Variants in RBFOX1 observed in about 807,000 individuals in gnomAD.
The protein encoded by RBFOX1 is RNA binding fox-1 homolog 1.
In RBFOX1, 8 loss-of-function variants were observed where a neutral mutation model predicts 57.7. That is an observed-to-expected ratio of 0.14 (90% confidence interval 0.08 to 0.25). The LOEUF (loss-of-function observed/expected upper bound fraction) is 0.25, where lower values mean the gene tolerates loss of function less well. RBFOX1 is among the 10% of genes least tolerant of loss of function. RBFOX1 has a pLI of 1.00. For missense variants in RBFOX1, 611 were observed against 548.5 expected, an observed-to-expected ratio of 1.11 and a Z score of -1.14; for synonymous variants, 326 against 222.4, an observed-to-expected ratio of 1.47 and a Z score of -4.15.
chr16:5,255,525 T>G (rs1353533133), intron 1 of RBFOX1, among the ~76,000 whole-genome samples: 1 of 151,092 alleles, frequency 6.6e-6, no homozygotes, highest in African/African-American at 2.4e-5. Context: ...CCCATGCATC[T>G]ATCCACCCAT....
intron 4 of RBFOX1, among the ~76,000 whole-genome samples, chr16:5,991,567 A>T (rs546459188): frequency 6.6e-6 from 1 of 152,210 alleles, no homozygotes; most frequent in African/African-American, 2.4e-5. Context: ...TCTGTACTCA[A>T]TGATCGCAGT....
At position 6,450,763 on chromosome 16, in the gene RBFOX1, ATG is replaced by A. The variant is rs1176763687; in HGVS notation, c.-64+133710_-64+133711del. Reference sequence around the variant, plus strand: ...ATTTTATATATATATACATATATATATGTGTATATATATATATATATATATAC... The same window carrying A: ...ATTTTATATATATATACATATATATATGTATATATATATATATATATATAC... On this transcript the variant is annotated intron_variant, in intron 2 of 15. Transcript: ENST00000550418. Among the ~76,000 whole-genome samples the A allele has an allele frequency of 1.7e-3, 59 of 35,372 alleles. 1 individual carries two copies. The highest frequency in any genetic ancestry group is 6.5e-3 in the African/African-American group (49 of 7,592). 23.2% of individuals were successfully genotyped at this position (35,372 alleles called of 152,430 possible). A position where few individuals can be genotyped will look rare whatever the true frequency, so the allele number is the denominator to read the frequency against.
chr16:7,450,811 G>A (rs953284560), intron 4 of RBFOX1, among the ~76,000 whole-genome samples: 1 of 152,166 alleles, frequency 6.6e-6, no homozygotes, highest in Non-Finnish European at 1.5e-5. Flanking sequence ...AATGACAGCA[G>A]GAGGATTCAG....
chr16:6,586,016 A>G (rs1343132515), intron 2 of RBFOX1, among the ~76,000 whole-genome samples: 1 of 152,228 alleles, frequency 6.6e-6, no homozygotes, highest in Non-Finnish European at 1.5e-5. Flanking sequence ...GTGAAATAAT[A>G]TATACTGCAA....
At chr16:5,349,857 G>A (rs1034928683) in intron 1 of RBFOX1, among the ~76,000 whole-genome samples, 1 of 152,228 alleles carries the variant, frequency 6.6e-6, no homozygotes, top group Non-Finnish European at 1.5e-5. Context: ...AAGCAGCCCT[G>A]CTGAGCAGTC....
At chr16:6,675,191 A>T (rs983016588) in intron 3 of RBFOX1, among the ~76,000 whole-genome samples, 1 of 152,170 alleles carries the variant, frequency 6.6e-6, no homozygotes. Context: ...GGCATAAGCC[A>T]CTGCGCCCGG....
chr16:5,480,750 C>T (rs1448635176), intron 2 of RBFOX1, among the ~76,000 whole-genome samples: 1 of 152,188 alleles, frequency 6.6e-6, no homozygotes, highest in East Asian at 1.9e-4. Flanking sequence ...CTTGGAGCCC[C>T]TTCCAGATCA....
At chr16:7,551,379 C>G (rs540986092) in intron 5 of RBFOX1, among the ~76,000 whole-genome samples, 1 of 152,256 alleles carries the variant, frequency 6.6e-6, no homozygotes, top group East Asian at 1.9e-4. Context: ...GGGGCCCCAG[C>G]TCACTGCCTT....
chr16:7,513,747 C>T (rs1023626924), intron 4 of RBFOX1, among the ~76,000 whole-genome samples: 2 of 152,128 alleles, frequency 1.3e-5, no homozygotes, highest in Admixed American at 6.6e-5. Context: ...TTCTGAGGAC[C>T]AGTGAGGAGA....
chr16:6,607,417 C>T (rs201354278), intron 2 of RBFOX1, among the ~76,000 whole-genome samples: 1 of 143,936 alleles, frequency 6.9e-6, no homozygotes, highest in Admixed American at 7.0e-5. Context: ...CAGTCTCTCT[C>T]CTCTCTCTCT....
intron 1 of RBFOX1, among the ~76,000 whole-genome samples, chr16:5,362,179 C>G (rs1394655519): frequency 6.6e-6 from 1 of 152,094 alleles, no homozygotes; most frequent in Non-Finnish European, 1.5e-5. Context: ...AGAACTTACT[C>G]AACTTGTGTC....
At chr16:6,173,545 C>G (rs1367566870) in intron 1 of RBFOX1, among the ~76,000 whole-genome samples, 1 of 150,996 alleles carries the variant, frequency 6.6e-6, no homozygotes, top group Non-Finnish European at 1.5e-5. Context: ...TCGATTGTTC[C>G]TGCTGCAGGG....
chr16:5,602,973 A>G (rs2047415888), downstream of RBFOX1, among the ~76,000 whole-genome samples: 1 of 152,166 alleles, frequency 6.6e-6, no homozygotes, highest in Non-Finnish European at 1.5e-5. Context: ...CCTCTAGAGG[A>G]GTGAAAATGG....
chr16:5,832,591 A>G (rs2056316781), intron 3 of RBFOX1, among the ~76,000 whole-genome samples: 1 of 152,244 alleles, frequency 6.6e-6, no homozygotes. Flanking sequence ...GCTTCTGATT[A>G]TACTGCAATT....
chr16:7,205,837 A>G (rs1181385202), intron 4 of RBFOX1, among the ~76,000 whole-genome samples: 3 of 152,252 alleles, frequency 2.0e-5, no homozygotes, highest in Non-Finnish European at 4.4e-5. Flanking sequence ...AACTGTGTGT[A>G]GTAATTACTG....
intron 1 of RBFOX1, among the ~76,000 whole-genome samples, chr16:5,304,205 C>G (rs2063875364): frequency 6.6e-6 from 1 of 152,152 alleles, no homozygotes; most frequent in Non-Finnish European, 1.5e-5. Context: ...CTGTAGCTCA[C>G]AAAACATTGC....
At chr16:6,849,928 G>A (rs1002192461) in intron 3 of RBFOX1, among the ~76,000 whole-genome samples, 1 of 152,154 alleles carries the variant, frequency 6.6e-6, no homozygotes, top group Non-Finnish European at 1.5e-5. Flanking sequence ...TGACTAGGAA[G>A]ATGACTTGGA....
At chr16:6,801,296 A>C (rs74007068) in intron 3 of RBFOX1, among the ~76,000 whole-genome samples, 3,426 of 152,186 alleles carry the variant, frequency 0.023, 133 homozygotes, top group African/African-American at 0.077. Context: ...TTTAGAACAT[A>C]TAAATGGGAT....
At chr16:6,958,798 G>T (rs1017634771) in intron 3 of RBFOX1, among the ~76,000 whole-genome samples, 8 of 152,100 alleles carry the variant, frequency 5.3e-5, no homozygotes, top group Admixed American at 5.2e-4. Context: ...GGCGTGAATT[G>T]GAAATCGTGT....
Sources: allele counts gnomAD v4.1 joint callset (sites outside exome capture counted in the v4.1 genomes callset), GRCh38; gene constraint gnomAD v4.1.1; transcripts MANE v1.5; gene names NCBI Gene and HGNC (gene_info 2026-07-23, HGNC 2026-07-21).